The following DNMT3A variants were observed in gnomAD, a reference collection of about 807,000 sequenced individuals.
The protein encoded by DNMT3A is DNA (cytosine-5)-methyltransferase 3A.
Under a neutral mutation model 117.6 loss-of-function variants are expected in DNMT3A, and 267 were observed. The ratio of observed to expected loss-of-function variants is 2.27; its 90% CI spans 2.05 to 2.51. The LOEUF is 2.51. Among genes scored for constraint, DNMT3A ranks in the 30% most tolerant of loss-of-function variants. DNMT3A has a pLI of 0.00. For synonymous variants in DNMT3A, 432 were observed against 474.8 expected (o/e 0.91, Z 1.17); for missense variants, 1,029 against 1,260.2 (o/e 0.82, Z 2.78).
chr2:25,278,027 AC>A (rs1445238919), intron 4 of DNMT3A, among the ~76,000 whole-genome samples: 12 of 83,448 alleles, frequency 1.4e-4, no homozygotes, highest in African/African-American at 2.2e-4. Context: ...ACACACACAC[AC>A]ACACACACAC....
chr2:25,244,728 C>T (rs1017417512), intron 13 of DNMT3A, 76 bp from the exon 14 acceptor site: 11 of 1,283,810 alleles, frequency 8.6e-6, no homozygotes, highest in Non-Finnish European at 1.1e-5. Flanking sequence ...GGCTCCACAC[C>T]TGGCCTCACA....
chr2:25,245,183 TG>T, intron 13 of DNMT3A, 69 bp downstream of exon 13: 1 of 1,464,380 alleles, frequency 6.8e-7, no homozygotes, highest in Non-Finnish European at 9.5e-7. Context: ...CCAGAAGCGG[TG>T]GACACAGTCA....
At chr2:25,300,353 G>A in intron 2 of DNMT3A, 110 bp from the exon 3 acceptor site, 1 of 1,253,772 alleles carries the variant, frequency 8.0e-7, no homozygotes, top group Non-Finnish European at 1.1e-6. Flanking sequence ...GCCTCCTCCT[G>A]TCCCACGAGC....
chr2:25,305,010 G>C lies in DNMT3A; in HGVS notation c.73-4767C>G, dbSNP rs1011260809. Among the ~76,000 whole-genome samples the C allele has an allele frequency of 6.6e-6, 1 of 152,218 alleles. No individual in the cohort carries two copies. Among genetic ancestry groups the C allele is most frequent in the African/African-American group, 2.4e-5 (1 of 41,450 alleles). Reference sequence around the variant, plus strand: ...AGGGAAGTGTGGGTGTCTGATTCATGCTGGCATCCAGAATGCCTAGACGGA... The same window carrying C: ...AGGGAAGTGTGGGTGTCTGATTCATCCTGGCATCCAGAATGCCTAGACGGA... On this transcript the variant is annotated intron_variant, in intron 2 of 22. Transcript: ENST00000321117. The surrounding 1 kb of genome is among the most constrained non-coding windows in gnomAD (Gnocchi z 4.1).
chr2:25,308,395 A>G (rs1362849222), intron 2 of DNMT3A, among the ~76,000 whole-genome samples: 1 of 151,858 alleles, frequency 6.6e-6, no homozygotes, highest in African/African-American at 2.4e-5. Context: ...GGGCCAAACA[A>G]CCCCCATCCA....
intron 6 of DNMT3A, among the ~76,000 whole-genome samples, chr2:25,253,781 G>A (rs1675869175): frequency 6.6e-6 from 1 of 152,192 alleles, no homozygotes; most frequent in African/African-American, 2.4e-5. Flanking sequence ...CTTGTTAGAA[G>A]ATCTGGACTT....
chr2:25,330,346 C>T (rs1030159243), intron 1 of DNMT3A, among the ~76,000 whole-genome samples: 1 of 152,222 alleles, frequency 6.6e-6, no homozygotes, highest in African/African-American at 2.4e-5. Context: ...CTCGGATGGA[C>T]CGCAGCCCCC....
chr2:25,249,453 G>C (rs1468343802), intron 6 of DNMT3A, among the ~76,000 whole-genome samples: 1 of 152,182 alleles, frequency 6.6e-6, no homozygotes, highest in Non-Finnish European at 1.5e-5. Context: ...CGCCATGCTG[G>C]AGTTCTTATG....
At chr2:25,307,695 A>T (rs1481019863) in intron 2 of DNMT3A, among the ~76,000 whole-genome samples, 4 of 152,048 alleles carry the variant, frequency 2.6e-5, no homozygotes, top group African/African-American at 9.7e-5. Context: ...CCAACTCCTG[A>T]CCTCAAGTGA....
chr2:25,278,545 G>T (rs1036835454), intron 4 of DNMT3A, among the ~76,000 whole-genome samples: 1 of 152,194 alleles, frequency 6.6e-6, no homozygotes, highest in Non-Finnish European at 1.5e-5. Context: ...AGTCTTCCAG[G>T]CTGAGTGCAG....
Position 25,228,407 on chromosome 2 carries a change from A to C in DNMT3A, c.*5872T>G, listed in dbSNP as rs779000954. Reference sequence around the variant, plus strand: ...GAATGTGGAGTAAAAGTGCTCTGCCACCGGGGTCAAAGCGAAATCGTCTGT... The same window carrying C: ...GAATGTGGAGTAAAAGTGCTCTGCCCCCGGGGTCAAAGCGAAATCGTCTGT... On this transcript the variant is annotated 3_prime_UTR_variant, in exon 23 of 23. Coordinates refer to ENST00000321117, the MANE Select transcript of DNMT3A (RefSeq NM_022552.5). 1 of 151,784 alleles carries C rather than the reference A, an allele frequency of 6.6e-6. No homozygotes were observed. The highest frequency in any genetic ancestry group is 1.5e-5 in the Non-Finnish European group (1 of 67,990). The allele number at this position is 151,784 out of a possible 1,614,324, so 9.4% of individuals were successfully genotyped here.
chr2:25,246,392 G>A, intron 10 of DNMT3A, 83 bp from the exon 11 acceptor site: 1 of 1,509,534 alleles, frequency 6.6e-7, no homozygotes, highest in Admixed American at 2.1e-5. Flanking sequence ...TTACAGTGGG[G>A]TGCGGCCTGG....
chr2:25,321,165 T>G (rs2034582613), intron 1 of DNMT3A, among the ~76,000 whole-genome samples: 1 of 151,036 alleles, frequency 6.6e-6, no homozygotes, highest in African/African-American at 2.4e-5. Flanking sequence ...ATTCTGCAAG[T>G]CAGTAGTAAA....
intron 2 of DNMT3A, among the ~76,000 whole-genome samples, chr2:25,308,917 G>C (rs1261509478): frequency 6.6e-6 from 1 of 151,982 alleles, no homozygotes; most frequent in Non-Finnish European, 1.5e-5. Flanking sequence ...GCCAGACTTT[G>C]ATGGGGAGGG....
At chr2:25,328,261 C>T (rs17745484) in intron 1 of DNMT3A, among the ~76,000 whole-genome samples, 36,931 of 152,102 alleles carry the variant, frequency 0.24, 5,376 homozygotes, top group Non-Finnish European at 0.33. Context: ...GTAAAATATA[C>T]GCTCTGGCCT....
intron 2 of DNMT3A, among the ~76,000 whole-genome samples, chr2:25,308,966 CAT>C (rs1412775229): frequency 2.3e-5 from 3 of 131,680 alleles, no homozygotes; most frequent in Admixed American, 1.5e-4. Context: ...CCCACAGATG[CAT>C]ACACACACAC....
chr2:25,275,987 G>A (rs556780563), intron 4 of DNMT3A, among the ~76,000 whole-genome samples: 11 of 152,276 alleles, frequency 7.2e-5, no homozygotes, highest in Admixed American at 6.5e-4. Context: ...CAGCCTGAGC[G>A]GCCTCCCTGG....
At chr2:25,300,711 T>TAA in intron 2 of DNMT3A, among the ~76,000 whole-genome samples, 1 of 42,048 alleles carries the variant, frequency 2.4e-5, no homozygotes, top group Non-Finnish European at 4.1e-5. Context: ...CTAAATAATA[T>TAA]AATATATATA....
chr2:25,247,897 C>T lies in DNMT3A; in HGVS notation c.855+140G>A, dbSNP rs957207595. 2.9e-5 allele frequency: 44 copies of T among 1,511,870 alleles called. No individual in the cohort carries two copies. The highest frequency in any genetic ancestry group is 1.4e-4 in the African/African-American group (10 of 71,356). 93.7% of individuals were successfully genotyped at this position (1,511,870 alleles called of 1,614,324 possible). A position where few individuals can be genotyped will look rare whatever the true frequency, so the allele number is the denominator to read the frequency against. On this transcript the variant is annotated intron_variant, in intron 7 of 22. Transcript: ENST00000321117. This position sits in a 1 kb window ranked among gnomAD's most constrained non-coding sequence, Gnocchi z 5.6. ...TGAATGAGGCAAGACAGAGCAAAAT[C>T]GGGGAGACGAAGAGGCCCGGGGTCA...
Sources: gnomAD v4.1 joint callset for allele counts (sites outside exome capture counted in the v4.1 genomes callset) on GRCh38, gnomAD v4.1.1 for gene constraint, Gnocchi (gnomAD v3.1) non-coding constraint, MANE v1.5 for transcripts, NCBI Gene and HGNC (gene_info 2026-07-23, HGNC 2026-07-21) for gene names.